The following WBP2NL variants were observed in gnomAD, a reference collection of about 807,000 sequenced individuals.
WBP2NL encodes postacrosomal sheath WW domain-binding protein.
In WBP2NL, 27 loss-of-function variants were observed where a neutral mutation model predicts 23.3. That is an observed-to-expected ratio of 1.16 (90% CI 0.85 to 1.60). WBP2NL has a LOEUF of 1.60. Ranked by LOEUF, WBP2NL falls within the 40% of genes most tolerant of loss-of-function variation. The pLI is 0.00. For synonymous variants in WBP2NL, 151 were observed against 145.9 expected (o/e 1.03, Z -0.25); for missense variants, 370 against 389.5 (o/e 0.95, Z 0.42).
At chr22:42,029,618 T>G (rs934546962), downstream of WBP2NL, among the ~76,000 whole-genome samples, 4 of 152,218 alleles carry the variant, frequency 2.6e-5, 1 homozygote, top group South Asian at 8.3e-4. Flanking sequence ...GCAATCCTCC[T>G]GTCTCAGCCT....
intron 1 of WBP2NL, among the ~76,000 whole-genome samples, chr22:42,011,613 T>C (rs904998564): frequency 1.3e-5 from 2 of 152,184 alleles, no homozygotes; most frequent in East Asian, 3.8e-4. Flanking sequence ...TTATATTTTA[T>C]GTTTGTTCAT....
downstream of WBP2NL, among the ~76,000 whole-genome samples, chr22:42,036,385 A>AG (rs2146812908): frequency 1.3e-5 from 2 of 152,256 alleles, no homozygotes; most frequent in South Asian, 4.1e-4. Context: ...CATGTTAGCC[A>AG]GGATGGTCTT....
chr22:42,008,954 AT>A, intron 1 of WBP2NL, among the ~76,000 whole-genome samples: 1 of 151,510 alleles, frequency 6.6e-6, no homozygotes, highest in East Asian at 2.0e-4. Context: ...AATTTTTTCT[AT>A]TTTTTAGTAG....
chr22:42,007,235 T>C (rs958061041), intron 1 of WBP2NL, among the ~76,000 whole-genome samples: 2 of 152,186 alleles, frequency 1.3e-5, no homozygotes, highest in Non-Finnish European at 2.9e-5. Context: ...TTTGTTTGTT[T>C]GTGGTTTTTT....
At chr22:42,012,716 G>C (rs377142645) in intron 1 of WBP2NL, among the ~76,000 whole-genome samples, 26 of 152,048 alleles carry the variant, frequency 1.7e-4, no homozygotes, top group African/African-American at 6.3e-4. Flanking sequence ...TTTAGGGCTG[G>C]GCACGGTGGC....
chr22:42,056,072 G>A (rs547074890), intron 8 of WBP2NL, among the ~76,000 whole-genome samples: 1 of 152,152 alleles, frequency 6.6e-6, no homozygotes, highest in African/African-American at 2.4e-5. Flanking sequence ...TACTATTTGT[G>A]TGTTATGTCT....
intron 1 of WBP2NL, among the ~76,000 whole-genome samples, chr22:42,009,354 T>C (rs561005570): frequency 6.6e-6 from 1 of 152,358 alleles, no homozygotes; most frequent in South Asian, 2.1e-4. Context: ...TTGTTGCCGG[T>C]GCTTTTGTTT....
intron 8 of WBP2NL, among the ~76,000 whole-genome samples, chr22:42,051,579 C>T (rs1925839320): frequency 6.6e-6 from 1 of 152,124 alleles, no homozygotes; most frequent in South Asian, 2.1e-4. Flanking sequence ...AGGATGTTAA[C>T]AATAGGGGAA....
At chr22:42,006,134 CAAAG>C (rs1028670868) in intron 1 of WBP2NL, among the ~76,000 whole-genome samples, 1 of 152,060 alleles carries the variant, frequency 6.6e-6, no homozygotes, top group Non-Finnish European at 1.5e-5. Flanking sequence ...TCTCATCAAA[CAAAG>C]GCAATTTTGC....
At chr22:42,030,946 C>T (rs1313934369), downstream of WBP2NL, 2 of 152,318 alleles carry the variant, frequency 1.3e-5, no homozygotes, top group African/African-American at 4.8e-5. Flanking sequence ...GACTTCTCTT[C>T]TGCTCTTCAT....
intron 1 of WBP2NL, among the ~76,000 whole-genome samples, chr22:42,007,641 T>C (rs558727237): frequency 8.5e-5 from 13 of 152,224 alleles, no homozygotes; most frequent in Non-Finnish European, 1.6e-4. Context: ...CTCATGTAAG[T>C]GTAATGACAA....
chr22:42,057,871 A>G (rs190599495), intron 8 of WBP2NL, among the ~76,000 whole-genome samples: 318 of 10,678 alleles, frequency 0.03, 1 homozygote, highest in African/African-American at 0.086. Flanking sequence ...GTGTGTATGT[A>G]TATATATATA....
chr22:42,055,653 CATTT>C (rs1425903770), intron 8 of WBP2NL, among the ~76,000 whole-genome samples: 1 of 152,052 alleles, frequency 6.6e-6, no homozygotes. Flanking sequence ...TAATTGGTAA[CATTT>C]ATTGTTGAAT....
In WBP2NL at chr22:42,020,032, A is replaced by G. The variant is rs376728473; in HGVS notation, c.342A>G (p.Lys114=). 8 of 1,613,956 alleles carry G rather than the reference A, an allele frequency of 5.0e-6. No individual in the cohort carries two copies. The highest frequency in any genetic ancestry group is 6.8e-6 in the Non-Finnish European group (8 of 1,180,010). Residue 114 remains lysine, a synonymous_variant, in exon 4 of 6, where the codon AAA becomes AAG. Transcript: ENST00000328823. ...GCTGGGAAGGACAAGCTACTTTTAA[A>G]TTAGTCTTCAGAAATGGAGATGCCA... ...YGGWEGQATF[K]LVFRNGDAIE...
At chr22:42,026,451 C>T (rs965595392) in intron 5 of WBP2NL, among the ~76,000 whole-genome samples, 3 of 151,834 alleles carry the variant, frequency 2.0e-5, no homozygotes, top group Non-Finnish European at 2.9e-5. Flanking sequence ...ATTTTCCAAA[C>T]GCATATTCCT....
downstream of WBP2NL, among the ~76,000 whole-genome samples, chr22:42,037,850 AGTGTGT>A (rs145563548): frequency 0.013 from 1,833 of 143,758 alleles, 36 homozygotes; most frequent in African/African-American, 0.045. Context: ...AGAGAGTGAG[AGTGTGT>A]GTGTGTGTGT....
intron 8 of WBP2NL, among the ~76,000 whole-genome samples, chr22:42,043,038 AAG>A (rs1569454188): frequency 1.3e-5 from 2 of 150,312 alleles, no homozygotes; most frequent in Admixed American, 1.3e-4. Flanking sequence ...AAAAAAAAAA[AAG>A]GAGAAGAAGC....
At chr22:42,008,388 G>A (rs1408801232) in intron 1 of WBP2NL, among the ~76,000 whole-genome samples, 1 of 151,356 alleles carries the variant, frequency 6.6e-6, no homozygotes, top group Admixed American at 6.6e-5. Flanking sequence ...TGTATTTTTA[G>A]TAGAGACGGG....
chr22:42,054,715 T>TAAA (rs57938269), intron 8 of WBP2NL, among the ~76,000 whole-genome samples: 2,754 of 139,178 alleles, frequency 0.02, 98 homozygotes, highest in African/African-American at 0.068. Flanking sequence ...AGTACCTTTG[T>TAAA]AAAAAAAAAA....
Sources: gnomAD v4.1 joint callset for allele counts (sites outside exome capture counted in the v4.1 genomes callset) on GRCh38, gnomAD v4.1.1 for gene constraint, MANE v1.5 for transcripts, NCBI Gene and HGNC (gene_info 2026-07-23, HGNC 2026-07-21) for gene names.